GP1BB: variants seen among roughly 807,000 people sequenced by gnomAD.
GP1BB encodes the protein glycoprotein Ib platelet subunit beta.
GP1BB carries 3 observed loss-of-function variants against 2.5 expected under a neutral mutation model. The ratio of observed to expected loss-of-function variants is 1.22; its 90% CI spans 0.56 to 3.15. The LOEUF is 3.15. GP1BB is among the 30% of genes most tolerant of loss of function. GP1BB has a pLI of 0.03. For synonymous variants in GP1BB, 191 were observed against 167.5 expected (o/e 1.14, Z -1.08); for missense variants, 316 against 307.0 (o/e 1.03, Z -0.22).
Position 19,724,112 on chromosome 22 carries a change from C to A in GP1BB, c.269C>A (p.Pro90His). 1 of 1,441,454 alleles carries A rather than the reference C, an allele frequency of 6.9e-7. No individual in the cohort carries two copies. Among genetic ancestry groups the A allele is most frequent in the East Asian group, 3.1e-5 (1 of 32,294 alleles). The allele number at this position is 1,441,454 out of a possible 1,614,324, so 89.3% of individuals were successfully genotyped here. A position where few individuals can be genotyped will look rare whatever the true frequency, so the allele number is the denominator to read the frequency against. The change falls in exon 2 of 2, where the codon CCC becomes CAC. Residue 90 changes from proline (P) to histidine (H), a missense_variant. Transcript: ENST00000366425. ...ALRTAHLGAN[P>H]WRCDCRLVPL... is the part of the protein sequence containing the mutation. ...CGCACCGCACACCTGGGCGCCAACCCCTGGCGCTGCGACTGCCGCCTTGTG... is the reference window on the plus strand; with the variant it reads ...CGCACCGCACACCTGGGCGCCAACCACTGGCGCTGCGACTGCCGCCTTGTG...
In GP1BB at chr22:19,724,139, C is replaced by A. The variant is rs1013880318; in HGVS notation, c.296C>A (p.Pro99Gln). The A allele has an allele frequency of 1.5e-6, 2 of 1,361,202 alleles. No homozygotes were observed. Among genetic ancestry groups the A allele is most frequent in the South Asian group, 1.7e-5 (1 of 57,230 alleles). The allele number at this position is 1,361,202 out of a possible 1,614,324, so 84.3% of individuals were successfully genotyped here. The part of the protein sequence containing the change: ...NPWRCDCRLV[P>Q]LRAWLAGRPE... ...TGGCGCTGCGACTGCCGCCTTGTGC[C>A]GCTGCGCGCCTGGCTGGCCGGCCGC... The change falls in exon 2 of 2, where the codon CCG becomes CAG. Residue 99 changes from proline (P) to glutamine (Q), a missense_variant. Coordinates refer to ENST00000366425, the MANE Select transcript of GP1BB (RefSeq NM_000407.5).
rs1936118573 is a variant in GP1BB, at chr22:19,724,230, GC to G, written c.390del (p.Tyr131IlefsTer62). ...CCCCAGCGCTGCGCGGCCGCCTGCTGCCCTATCTGGCCGAGGACGAGCTGCG... is the reference window on the plus strand; with the variant it reads ...CCCCAGCGCTGCGCGGCCGCCTGCTGCCTATCTGGCCGAGGACGAGCTGCG... ...APPALRGRLL[P>X]YLAEDELRAA... On this transcript the variant is annotated frameshift_variant, in exon 2 of 2. Transcript: ENST00000366425. LOFTEE classifies it low-confidence loss of function (END_TRUNC). 1.6e-6 allele frequency: 2 copies of G among 1,232,534 alleles called. No individual in the cohort carries two copies. Among genetic ancestry groups the G allele is most frequent in the Non-Finnish European group, 2.0e-6 (2 of 991,548 alleles). The allele number at this position is 1,232,534 out of a possible 1,614,324, so 76.3% of individuals were successfully genotyped here. A position where few individuals can be genotyped will look rare whatever the true frequency, so the allele number is the denominator to read the frequency against.
chr22:19,723,659 A>C (rs1308246084), intron 1 of GP1BB, 80 bp downstream of exon 1: 1 of 1,495,472 alleles, frequency 6.7e-7, no homozygotes, highest in African/African-American at 1.4e-5. Flanking sequence ...GTTTGGCTGC[A>C]GCTGGGAGAG....
Position 19,724,272 on chromosome 22 carries a change from C to T in GP1BB, c.429C>T (p.Pro143=), listed in dbSNP as rs1601248909. 7.9e-7 allele frequency: 1 copy of T among 1,268,284 alleles called. No individual in the cohort carries two copies. The highest frequency in any genetic ancestry group is 9.9e-7 in the Non-Finnish European group (1 of 1,012,340). 78.6% of individuals were successfully genotyped at this position (1,268,284 alleles called of 1,614,324 possible). The change falls in exon 2 of 2, where the codon CCC becomes CCT. Residue 143 remains proline (P), a synonymous_variant. Transcript: ENST00000366425. ...ACGAGCTGCGCGCCGCTTGCGCTCC[C>T]GGCCCGCTCTGCTGGGGGGCGCTGG... ...AEDELRAACA[P]GPLCWGALAA... is the part of the protein sequence containing the mutation.
Position 19,724,119 on chromosome 22 carries a change from C to T in GP1BB, c.276C>T (p.Arg92=). 3 of 1,435,382 alleles carry T rather than the reference C, an allele frequency of 2.1e-6. No homozygotes were observed. The highest frequency in any genetic ancestry group is 2.7e-6 in the Non-Finnish European group (3 of 1,095,942). The allele number at this position is 1,435,382 out of a possible 1,614,324, so 88.9% of individuals were successfully genotyped here. A position where few individuals can be genotyped will look rare whatever the true frequency, so the allele number is the denominator to read the frequency against. ...CACACCTGGGCGCCAACCCCTGGCG[C>T]TGCGACTGCCGCCTTGTGCCGCTGC... is the stretch of plus-strand genomic sequence containing the variant. ...RTAHLGANPW[R]CDCRLVPLRA... The change falls in exon 2 of 2, where the codon CGC becomes CGT. Residue 92 remains arginine (R), a synonymous_variant. Transcript: ENST00000366425.
Position 19,724,090 on chromosome 22 carries a change from A to C in GP1BB, c.247A>C (p.Thr83Pro). 6.7e-7 allele frequency: 1 copy of C among 1,483,086 alleles called. No homozygotes were observed. Among genetic ancestry groups the C allele is most frequent in the Non-Finnish European group, 8.9e-7 (1 of 1,121,886 alleles). 91.9% of individuals were successfully genotyped at this position (1,483,086 alleles called of 1,614,324 possible). A position where few individuals can be genotyped will look rare whatever the true frequency, so the allele number is the denominator to read the frequency against. ...GLLDALPALR[T>P]AHLGANPWRC... Reference sequence around the variant, plus strand: ...GCTGGACGCGCTGCCCGCGCTGCGCACCGCACACCTGGGCGCCAACCCCTG... The same window carrying C: ...GCTGGACGCGCTGCCCGCGCTGCGCCCCGCACACCTGGGCGCCAACCCCTG... Residue 83 changes from threonine (T) to proline (P), a missense_variant, in exon 2 of 2, where the codon ACC becomes CCC. By Grantham distance (38) the Thr-to-Pro change is conservative. Coordinates refer to ENST00000366425, the MANE Select transcript of GP1BB (RefSeq NM_000407.5).
In GP1BB at chr22:19,724,380, G is replaced by A; in HGVS notation, c.537G>A (p.Arg179=). The part of the protein sequence containing the change: ...VLLLCRLRRL[R]ARARARAAAR... ...TGCTGTGCCGCCTGCGGAGGCTGCG[G>A]GCCCGGGCCCGCGCTCGCGCCGCAG... Residue 179 remains arginine, a synonymous_variant, in exon 2 of 2, where the codon CGG becomes CGA. Coordinates refer to ENST00000366425, the MANE Select transcript of GP1BB (RefSeq NM_000407.5). 2 of 1,527,894 alleles carry A rather than the reference G, an allele frequency of 1.3e-6. No individual in the cohort carries two copies. Among genetic ancestry groups the A allele is most frequent in the Non-Finnish European group, 8.8e-7 (1 of 1,137,816 alleles). 94.6% of individuals were successfully genotyped at this position (1,527,894 alleles called of 1,614,324 possible).
intron 1 of GP1BB, 113 bp from the exon 2 acceptor site, chr22:19,723,741 C>G: frequency 7.6e-7 from 1 of 1,313,554 alleles, no homozygotes. Context: ...TGGCGGGCTA[C>G]CGGGACGCCG....
chr22:19,723,949 C>T lies in GP1BB; in HGVS notation c.106C>T (p.Leu36Phe), dbSNP rs1601248319. Residue 36 changes from leucine (L) to phenylalanine (F), a missense_variant, in exon 2 of 2, where the codon CTC (leucine) becomes TTC (phenylalanine). By Grantham distance (22) the Leu-to-Phe change is conservative. Coordinates refer to ENST00000366425, the MANE Select transcript of GP1BB (RefSeq NM_000407.5). ...GGCGCCCTGTAGCTGCGCGGGGACG[C>T]TCGTGGACTGCGGGCGCCGCGGGCT... is the stretch of plus-strand genomic sequence containing the variant. ...CPAPCSCAGT[L>F]VDCGRRGLTW... 8 of 1,523,166 alleles carry T rather than the reference C, an allele frequency of 5.3e-6. No homozygotes were observed. The highest frequency in any genetic ancestry group is 1.2e-5 in the South Asian group (1 of 82,726). The allele number at this position is 1,523,166 out of a possible 1,614,324, so 94.4% of individuals were successfully genotyped here.
Position 19,724,500 on chromosome 22 carries a change from G to A in GP1BB, c.*36G>A, listed in dbSNP as rs1460283051. The A allele has an allele frequency of 1.9e-5, 27 of 1,389,146 alleles. No homozygotes were observed. In the East Asian group the frequency reaches 6.5e-4, roughly 33 times the overall value. The allele number at this position is 1,389,146 out of a possible 1,614,324, so 86.1% of individuals were successfully genotyped here. ...GGTGCGTCCTGAGGAGAGAACCGGCGCTGGGCAACACGGGCCTGCAAACTC... is the reference window on the plus strand; with the variant it reads ...GGTGCGTCCTGAGGAGAGAACCGGCACTGGGCAACACGGGCCTGCAAACTC... On this transcript the variant is annotated 3_prime_UTR_variant, in exon 2 of 2. Coordinates refer to ENST00000366425, the MANE Select transcript of GP1BB (RefSeq NM_000407.5).
At chr22:19,723,629 G>A (rs758319276) in intron 1 of GP1BB, 50 bp downstream of exon 1, 22 of 1,577,368 alleles carry the variant, frequency 1.4e-5, no homozygotes, top group South Asian at 3.4e-5. Flanking sequence ...GGCCGACCCG[G>A]GTTGAGAGGA....
Position 19,724,670 on chromosome 22 carries a change from C to A in GP1BB, c.*206C>A, listed in dbSNP as rs1972826828. 6.7e-6 allele frequency: 4 copies of A among 598,884 alleles called. No individual in the cohort carries two copies. The Admixed American group carries it at 1.0e-4, about 16-fold the overall frequency. The allele number at this position is 598,884 out of a possible 1,614,324, so 37.1% of individuals were successfully genotyped here. On this transcript the variant is annotated 3_prime_UTR_variant, in exon 2 of 2. Transcript: ENST00000366425. ...CCCACCCTACCCCGAGGGAGGCGAACCCGCACTTCCAGGCTTGGGAGGACC... is the reference window on the plus strand; with the variant it reads ...CCCACCCTACCCCGAGGGAGGCGAAACCGCACTTCCAGGCTTGGGAGGACC...
Position 19,724,569 on chromosome 22 carries a change from T to A in GP1BB, c.*105T>A. 1 of 816,230 alleles carries A rather than the reference T, an allele frequency of 1.2e-6. No individual in the cohort carries two copies. Among genetic ancestry groups the A allele is most frequent in the Non-Finnish European group, 2.1e-6 (1 of 485,216 alleles). 50.6% of individuals were successfully genotyped at this position (816,230 alleles called of 1,614,324 possible). The stretch of plus-strand genomic sequence containing the variant: ...GGGCCCTCGCGCCAACCTGGACCGG[T>A]CCCCGCCTCCTCCGCTGCCCAATCT... On this transcript the variant is annotated 3_prime_UTR_variant, in exon 2 of 2. Coordinates refer to ENST00000366425, the MANE Select transcript of GP1BB (RefSeq NM_000407.5).
At chr22:19,723,617 T>G (rs776631499) in intron 1 of GP1BB, 38 bp downstream of exon 1, 1 of 1,589,032 alleles carries the variant, frequency 6.3e-7, no homozygotes, top group South Asian at 1.1e-5. Flanking sequence ...GGCTGCTCCC[T>G]AGGCCGACCC....
intron 1 of GP1BB, 79 bp from the exon 2 acceptor site, chr22:19,723,774 CG>C (rs1936106438): frequency 1.4e-6 from 2 of 1,399,076 alleles, no homozygotes; most frequent in Non-Finnish European, 9.6e-7. Context: ...TGGATGGAGC[CG>C]GGCCGGCAGT....
intron 1 of GP1BB, 23 bp downstream of exon 1, chr22:19,723,602 C>G: frequency 6.3e-7 from 1 of 1,592,572 alleles, no homozygotes; most frequent in Non-Finnish European, 8.5e-7. Flanking sequence ...TCCGGTCGGG[C>G]CCCCGGCTGC....
chr22:19,724,748 G>A lies in GP1BB; in HGVS notation c.*284G>A, dbSNP rs945714214. On this transcript the variant is annotated 3_prime_UTR_variant, in exon 2 of 2. Coordinates refer to ENST00000366425, the MANE Select transcript of GP1BB (RefSeq NM_000407.5). ...CTGCGTCTCCCTTCCAAACTCTGGT[G>A]CTGAATAAACCCTTCTGATCTGGTC... 2.0e-6 allele frequency: 1 copy of A among 488,246 alleles called. No homozygotes were observed. The highest frequency in any genetic ancestry group is 2.3e-5 in the South Asian group (1 of 43,978). 30.2% of individuals were successfully genotyped at this position (488,246 alleles called of 1,614,324 possible).
Position 19,724,232 on chromosome 22 carries a change from C to A in GP1BB, c.389C>A (p.Pro130His). Residue 130 changes from proline (P) to histidine (H), a missense_variant, in exon 2 of 2, where the codon CCC becomes CAC. Transcript: ENST00000366425. The stretch of plus-strand genomic sequence containing the variant: ...CCAGCGCTGCGCGGCCGCCTGCTGC[C>A]CTATCTGGCCGAGGACGAGCTGCGC... ...APPALRGRLL[P>H]YLAEDELRAA... 8.1e-7 allele frequency: 1 copy of A among 1,233,342 alleles called. No individual in the cohort carries two copies. The highest frequency in any genetic ancestry group is 1.0e-6 in the Non-Finnish European group (1 of 992,006). The allele number at this position is 1,233,342 out of a possible 1,614,324, so 76.4% of individuals were successfully genotyped here. A position where few individuals can be genotyped will look rare whatever the true frequency, so the allele number is the denominator to read the frequency against.
rs1936120179 is a variant in GP1BB, at chr22:19,724,279, C to T, written c.436C>T (p.Leu146Phe). Residue 146 changes from leucine (L) to phenylalanine (F), a missense_variant, in exon 2 of 2, where the codon CTC (leucine) becomes TTC (phenylalanine). Coordinates refer to ENST00000366425, the MANE Select transcript of GP1BB (RefSeq NM_000407.5). The stretch of plus-strand genomic sequence containing the variant: ...GCGCGCCGCTTGCGCTCCCGGCCCG[C>T]TCTGCTGGGGGGCGCTGGCGGCGCA... ...ELRAACAPGP[L>F]CWGALAAQLA... The T allele has an allele frequency of 3.1e-6, 4 of 1,279,326 alleles. No homozygotes were observed. Among genetic ancestry groups the T allele is most frequent in the Non-Finnish European group, 3.9e-6 (4 of 1,018,450 alleles). The allele number at this position is 1,279,326 out of a possible 1,614,324, so 79.2% of individuals were successfully genotyped here.
Sources: gnomAD v4.1 joint callset for allele counts on GRCh38, gnomAD v4.1.1 for gene constraint, MANE v1.5 for transcripts, NCBI Gene and HGNC (gene_info 2026-07-23, HGNC 2026-07-21) for gene names.